Variants in NBPF20 observed in about 807,000 individuals in gnomAD.
NBPF20 encodes NBPF family member NBPF20.
In NBPF20, 90 loss-of-function variants were observed where a neutral mutation model predicts 68.1. The observed-to-expected ratio is 1.32, with a 90% CI of 1.11 to 1.58. The LOEUF is 1.58. Ranked by LOEUF, NBPF20 falls within the 40% of genes most tolerant of loss-of-function variation. The pLI is 0.00. For missense variants in NBPF20, 816 were observed against 601.2 expected (o/e 1.36, Z -3.74); for synonymous variants, 290 against 228.1 (o/e 1.27, Z -2.45).
exon 138 of NBPF20, chr1:145,291,380 G>C (rs1273010812): frequency 4.5e-6 from 7 of 1,560,634 alleles, no homozygotes; most frequent in South Asian, 2.5e-5. Flanking sequence ...GTTGCCACTG[G>C]CATGGTTTGA....
intron 6 of NBPF20, among the ~76,000 whole-genome samples, chr1:145,400,173 A>G (rs1662450811): frequency 6.6e-6 from 1 of 152,156 alleles, no homozygotes; most frequent in African/African-American, 2.4e-5. Flanking sequence ...TGACTATGAG[A>G]TTGTCACACT....
In NBPF20 at chr1:145,292,587, C is replaced by A. The variant is rs192520388; in HGVS notation, c.16589-98G>T. On this transcript the variant is annotated intron_variant, in intron 136 of 137. Coordinates refer to ENST00000369373, the Ensembl canonical transcript of NBPF20. ...CCTCACACAGGGACCTCAGGCTCCC[C>A]AGCATAAGAATAGGACACTTTGAGA... 304 of 745,252 alleles carry A rather than the reference C, an allele frequency of 4.1e-4. 1 individual carries two copies. In the East Asian group the frequency reaches 7.2e-3, roughly 18 times the overall value. The allele number at this position is 745,252 out of a possible 1,614,324, so 46.2% of individuals were successfully genotyped here. A position where few individuals can be genotyped will look rare whatever the true frequency, so the allele number is the denominator to read the frequency against.
At chr1:145,291,985 A>AGG (rs1661141751) in intron 137 of NBPF20, among the ~76,000 whole-genome samples, 1 of 148,750 alleles carries the variant, frequency 6.7e-6, no homozygotes, top group Admixed American at 6.6e-5. Flanking sequence ...AGACAGAGAC[A>AGG]GAGAGAGAGA....
upstream of NBPF20, among the ~76,000 whole-genome samples, chr1:145,408,784 G>T (rs1553668333): frequency 6.6e-6 from 1 of 151,840 alleles, no homozygotes; most frequent in African/African-American, 2.4e-5. Context: ...TAGGGGCCTC[G>T]TACCTGCTTC....
chr1:145,393,543 A>G (rs1233518855), intron 9 of NBPF20, among the ~76,000 whole-genome samples: 4 of 152,000 alleles, frequency 2.6e-5, no homozygotes, highest in Non-Finnish European at 4.4e-5. Context: ...GAGTCAAAGG[A>G]CACTCTGTAT....
rs1218981212 is a variant in NBPF20, at chr1:145,402,401, A to T, written c.279-20T>A. The T allele has an allele frequency of 3.4e-5, 55 of 1,603,260 alleles. No individual in the cohort carries two copies. Among genetic ancestry groups the T allele is most frequent in the South Asian group, 2.6e-4 (24 of 90,804 alleles). On this transcript the variant is annotated intron_variant, in intron 3 of 137. Transcript: ENST00000369373. ...TATTGCCTAAGGTGAGACGGTAGAG[A>T]AAATTTAAGAGTGGAAAGGTTCAGT...
chr1:145,410,506 G>T (rs1285068716), upstream of NBPF20, among the ~76,000 whole-genome samples: 9 of 150,490 alleles, frequency 6.0e-5, no homozygotes, highest in East Asian at 1.8e-3. Context: ...GTAGAGACGG[G>T]GTTTCACCGT....
At chr1:145,290,586 G>A (rs1455655751) in exon 138 of NBPF20, 10 of 150,276 alleles carry the variant, frequency 6.7e-5, no homozygotes, top group African/African-American at 2.5e-4. Flanking sequence ...GGAAATATTT[G>A]GGGTTCAAAA....
At chr1:145,394,155 A>C (rs1662096309) in intron 8 of NBPF20, among the ~76,000 whole-genome samples, 1 of 152,122 alleles carries the variant, frequency 6.6e-6, no homozygotes, top group African/African-American at 2.4e-5. Flanking sequence ...TTGGAATGTT[A>C]TCTTCCCTAT....
intron 137 of NBPF20, 28 bp from the exon 143 acceptor site, chr1:145,291,797 C>A (rs782273029): frequency 6.2e-6 from 10 of 1,611,774 alleles, no homozygotes; most frequent in East Asian, 2.2e-5. Flanking sequence ...ACTAAAGAAG[C>A]AGCCAGGGAA....
chr1:145,417,529 T>A, the NBPF20 span, among the ~76,000 whole-genome samples: 8 of 143,302 alleles, frequency 5.6e-5, no homozygotes, highest in Admixed American at 1.5e-4. Context: ...AAAAAGCAAG[T>A]CACAGACTGG....
At chr1:145,407,931 A>G (rs1386135687), upstream of NBPF20, 404 of 161,010 alleles carry the variant, frequency 2.5e-3, 2 homozygotes, top group African/African-American at 8.1e-3. Context: ...AAGCTTTGTC[A>G]TGAATGGGCT....
At chr1:145,411,455 G>A in the NBPF20 span, among the ~76,000 whole-genome samples, 5 of 109,974 alleles carry the variant, frequency 4.5e-5, no homozygotes, top group East Asian at 5.0e-4. Context: ...GCAGTGATGC[G>A]ATCTCGGCTC....
the NBPF20 span, among the ~76,000 whole-genome samples, chr1:145,424,571 G>A: frequency 6.6e-5 from 10 of 152,314 alleles, no homozygotes; most frequent in South Asian, 2.1e-4. Context: ...CAAAGAAAAG[G>A]TATCACTGCA....
At chr1:145,394,884 A>G (rs1226028657) in intron 8 of NBPF20, 94 bp downstream of exon 13, 6 of 1,541,462 alleles carry the variant, frequency 3.9e-6, no homozygotes, top group South Asian at 1.1e-5. Flanking sequence ...GTGATGGCAA[A>G]TCTCAGCCCA....
At chr1:145,399,765 A>G (rs1553664811) in intron 6 of NBPF20, among the ~76,000 whole-genome samples, 11 of 120,366 alleles carry the variant, frequency 9.1e-5, no homozygotes, top group East Asian at 2.4e-4. Flanking sequence ...TGACAGAGCA[A>G]GACTCCATCA....
the NBPF20 span, among the ~76,000 whole-genome samples, chr1:145,411,038 T>C: frequency 6.8e-6 from 1 of 146,832 alleles, no homozygotes; most frequent in Non-Finnish European, 1.5e-5. Flanking sequence ...AAACACATAA[T>C]CTTGATTTTC....
chr1:145,295,103 G>T lies in NBPF20; in HGVS notation c.16191-149C>A, dbSNP rs1455319643. The T allele has an allele frequency of 8.6e-4, 483 of 564,804 alleles. 4 individuals carry two copies. The East Asian group carries it at 0.016, about 19-fold the overall frequency. 35.0% of individuals were successfully genotyped at this position (564,804 alleles called of 1,614,324 possible). A position where few individuals can be genotyped will look rare whatever the true frequency, so the allele number is the denominator to read the frequency against. On this transcript the variant is annotated intron_variant, in intron 133 of 137. Transcript: ENST00000369373. ...GTAATGAATTATTGCCTTTATGTTGGGATAGACCAGGGCCAGGTAGAAAAG... is the reference window on the plus strand; with the variant it reads ...GTAATGAATTATTGCCTTTATGTTGTGATAGACCAGGGCCAGGTAGAAAAG...
chr1:145,366,607 C>CACAG (rs1661701748), intron 43 of NBPF20, among the ~76,000 whole-genome samples: 2 of 84,686 alleles, frequency 2.4e-5, no homozygotes, highest in East Asian at 4.6e-4. Flanking sequence ...CACACACACA[C>CACAG]AGAGAGAACG....
Sources: allele counts gnomAD v4.1 joint callset (sites outside exome capture counted in the v4.1 genomes callset), GRCh38; gene constraint gnomAD v4.1.1; transcripts MANE v1.5; gene names NCBI Gene and HGNC (gene_info 2026-07-23, HGNC 2026-07-21).